CEP19: variants seen among roughly 807,000 people sequenced by gnomAD.
The protein encoded by CEP19 is centrosomal protein of 19 kDa.
CEP19 carries 14 observed loss-of-function variants against 17.5 expected under a neutral mutation model. The ratio of observed to expected loss-of-function variants is 0.80; its 90% CI spans 0.53 to 1.25. CEP19 has a LOEUF of 1.25. Ranked by LOEUF, CEP19 falls within the 50% of genes most tolerant of loss-of-function variation. The probability of loss-of-function intolerance (pLI) is 0.00; values close to 1 mark genes in which losing one functional copy is unlikely to be tolerated. For missense variants in CEP19, 193 were observed against 192.0 expected, an observed-to-expected ratio of 1.01 and a Z score of -0.03; for synonymous variants, 59 against 65.5, an observed-to-expected ratio of 0.90 and a Z score of 0.48.
chr3:196,710,918 C>T (rs1326765004), intron 1 of CEP19, among the ~76,000 whole-genome samples: 1 of 147,458 alleles, frequency 6.8e-6, no homozygotes, highest in Admixed American at 6.8e-5. Context: ...GCAATGAGCT[C>T]ACACCATTTC....
In CEP19 at chr3:196,707,809, T is replaced by C. The variant is rs1419007982; in HGVS notation, c.234A>G (p.Arg78=). ...RQLEKLFSFL[R]GYLSGQSLAE... Reference sequence around the variant, plus strand: ...CCAGACTCTGCCCCGACAAGTAACCTCGTAAAAAACTGAATAGCTTCTCTA... The same window carrying C: ...CCAGACTCTGCCCCGACAAGTAACCCCGTAAAAAACTGAATAGCTTCTCTA... Residue 78 remains arginine, a synonymous_variant, in exon 3 of 3, where the codon CGA becomes CGG. Transcript: ENST00000409690. 9 of 1,614,072 alleles carry C rather than the reference T, an allele frequency of 5.6e-6. No individual in the cohort carries two copies. The highest frequency in any genetic ancestry group is 7.6e-6 in the Non-Finnish European group (9 of 1,180,044).
At chr3:196,709,323 A>G (rs570296222) in intron 1 of CEP19, among the ~76,000 whole-genome samples, 5 of 152,190 alleles carry the variant, frequency 3.3e-5, no homozygotes, top group Non-Finnish European at 7.4e-5. Flanking sequence ...TTTCCCAATT[A>G]TTTTACTAGA....
intron 1 of CEP19, among the ~76,000 whole-genome samples, chr3:196,709,426 T>G (rs1030368567): frequency 6.6e-6 from 1 of 152,164 alleles, no homozygotes; most frequent in Non-Finnish European, 1.5e-5. Flanking sequence ...CACCACAATA[T>G]CTCAGCATAA....
chr3:196,707,761 T>A lies in CEP19; in HGVS notation c.282A>T (p.Gln94His). ...CCTCAGGATCAATGGTTGTTTCCCG[T>A]TGAATTTGTTCCATTGTTTCTGCCA... Reference protein sequence around the residue: ...QSLAETMEQIQRETTIDPEED... With the variant: ...QSLAETMEQIHRETTIDPEED... The change falls in exon 3 of 3, where the codon CAA (glutamine) becomes CAT (histidine). Residue 94 changes from glutamine to histidine, a missense_variant. Transcript: ENST00000409690. 1 of 1,614,212 alleles carries A rather than the reference T, an allele frequency of 6.2e-7. No homozygotes were observed. Among genetic ancestry groups the A allele is most frequent in the African/African-American group, 1.3e-5 (1 of 75,058 alleles).
rs1711822481 is a variant in CEP19, at chr3:196,712,043, G to A, written c.-185C>T. 1 of 712,840 alleles carries A rather than the reference G, an allele frequency of 1.4e-6. No individual in the cohort carries two copies. Among genetic ancestry groups the A allele is most frequent in the African/African-American group, 1.7e-5 (1 of 57,158 alleles). 44.2% of individuals were successfully genotyped at this position (712,840 alleles called of 1,614,324 possible). On this transcript the variant is annotated 5_prime_UTR_variant, in exon 1 of 3. Transcript: ENST00000409690. ...AGCCCCTAAGCCGACTGTGAGACCG[G>A]GCGGAGCCTGGCGCTGCAGGAAGAG...
intron 1 of CEP19, among the ~76,000 whole-genome samples, chr3:196,711,240 T>C (rs542686073): frequency 6.6e-6 from 1 of 152,318 alleles, no homozygotes; most frequent in East Asian, 1.9e-4. Flanking sequence ...CTCCTCTTCA[T>C]AGGGAGCCAG....
At chr3:196,711,327 G>GTTT (rs57340417) in intron 1 of CEP19, among the ~76,000 whole-genome samples, 4 of 148,618 alleles carry the variant, frequency 2.7e-5, no homozygotes. Flanking sequence ...ACCATTTTCA[G>GTTT]TTTTTTTTTT....
At chr3:196,711,645 ACT>A (rs1251389559) in intron 1 of CEP19, among the ~76,000 whole-genome samples, 6 of 151,890 alleles carry the variant, frequency 4.0e-5, no homozygotes, top group East Asian at 1.9e-4. Context: ...TTTGACATAC[ACT>A]CTGTTTCCTC....
Position 196,706,946 on chromosome 3 carries a change from T to G in CEP19, c.*605A>C, listed in dbSNP as rs1363206302. On this transcript the variant is annotated 3_prime_UTR_variant, in exon 3 of 3. Transcript: ENST00000409690. ...CTCTGGCCTTCTTTAGCCTTTATCA[T>G]GCATTTGGCACTAATGTTTGTGTTG... is the stretch of plus-strand genomic sequence containing the variant. 1 of 152,248 alleles carries G rather than the reference T, an allele frequency of 6.6e-6. No individual in the cohort carries two copies. The highest frequency in any genetic ancestry group is 2.4e-5 in the African/African-American group (1 of 41,414). 9.4% of individuals were successfully genotyped at this position (152,248 alleles called of 1,614,324 possible).
chr3:196,708,872 G>T, intron 1 of CEP19, 145 bp from the exon 2 acceptor site: 1 of 536,394 alleles, frequency 1.9e-6, no homozygotes, highest in South Asian at 2.4e-5. Context: ...AATACGGACT[G>T]CTTCATGAAT....
rs1383325360 is a variant in CEP19 at position 196,706,951 on chromosome 3, T to C, written c.*600A>G. ...GCCTTCTTTAGCCTTTATCATGCAT[T>C]TGGCACTAATGTTTGTGTTGCTTAA... On this transcript the variant is annotated 3_prime_UTR_variant, in exon 3 of 3. Coordinates refer to ENST00000409690, the MANE Select transcript of CEP19 (RefSeq NM_032898.5). 17 of 152,280 alleles carry C rather than the reference T, an allele frequency of 1.1e-4. No homozygotes were observed. Among genetic ancestry groups the C allele is most frequent in the Admixed American group, 1.0e-3 (16 of 15,264 alleles). The allele number at this position is 152,280 out of a possible 1,614,324, so 9.4% of individuals were successfully genotyped here. A position where few individuals can be genotyped will look rare whatever the true frequency, so the allele number is the denominator to read the frequency against.
intron 1 of CEP19, among the ~76,000 whole-genome samples, chr3:196,709,884 C>T (rs544690538): frequency 2.2e-4 from 33 of 152,284 alleles, no homozygotes; most frequent in Admixed American, 1.8e-3. Context: ...ATGATATCTT[C>T]GTGAACTCAG....
chr3:196,710,858 A>C (rs1392134599), intron 1 of CEP19, among the ~76,000 whole-genome samples: 3 of 149,366 alleles, frequency 2.0e-5, no homozygotes, highest in Admixed American at 6.6e-5. Context: ...AAAAAAAAAA[A>C]AAAAAAAAAA....
At chr3:196,708,452 G>T in intron 2 of CEP19, 76 bp downstream of exon 2, 2 of 1,334,726 alleles carry the variant, frequency 1.5e-6, no homozygotes, top group Non-Finnish European at 2.1e-6. Flanking sequence ...CACACATCCA[G>T]TCCCTGACAG....
rs140916696 is a variant in CEP19, at chr3:196,711,268, A to G, written c.-71+661T>C. Among the ~76,000 whole-genome samples the G allele has an allele frequency of 4.9e-4, 74 of 152,246 alleles. 2 individuals are homozygous for G. The South Asian group carries it at 0.01, about 21-fold the overall frequency. Reference sequence around the variant, plus strand: ...GGAGCCAGACTGAATTTTAAAAGGCATATCTTCCAAAATTTCTCTCTCCAT... The same window carrying G: ...GGAGCCAGACTGAATTTTAAAAGGCGTATCTTCCAAAATTTCTCTCTCCAT... On this transcript the variant is annotated intron_variant, in intron 1 of 2. Transcript: ENST00000409690.
chr3:196,709,560 A>T (rs1711669581), intron 1 of CEP19, among the ~76,000 whole-genome samples: 2 of 152,220 alleles, frequency 1.3e-5, no homozygotes, highest in Admixed American at 1.3e-4. Flanking sequence ...CTGCTGCAGA[A>T]TCAGCTTCTT....
Position 196,707,477 on chromosome 3 carries a change from A to G in CEP19, c.*74T>C, listed in dbSNP as rs1711563452. On this transcript the variant is annotated 3_prime_UTR_variant, in exon 3 of 3. Transcript: ENST00000409690. Reference sequence around the variant, plus strand: ...ACCCAACATATTTAGTATTCTTTACAGCTTCTTCCAGAACCAGTCTGGTAA... The same window carrying G: ...ACCCAACATATTTAGTATTCTTTACGGCTTCTTCCAGAACCAGTCTGGTAA... 6.8e-7 allele frequency: 1 copy of G among 1,467,742 alleles called. No individual in the cohort carries two copies. The highest frequency in any genetic ancestry group is 1.4e-5 in the African/African-American group (1 of 70,984). 90.9% of individuals were successfully genotyped at this position (1,467,742 alleles called of 1,614,324 possible). A position where few individuals can be genotyped will look rare whatever the true frequency, so the allele number is the denominator to read the frequency against.
chr3:196,710,064 A>C (rs1711688160), intron 1 of CEP19, among the ~76,000 whole-genome samples: 1 of 152,222 alleles, frequency 6.6e-6, no homozygotes, highest in Admixed American at 6.5e-5. Flanking sequence ...AGTATGTTTC[A>C]TACATACCTT....
In CEP19 at chr3:196,707,608, T is replaced by G; in HGVS notation, c.435A>C (p.Pro145=). 6.2e-7 allele frequency: 1 copy of G among 1,613,814 alleles called. No homozygotes were observed. Among genetic ancestry groups the G allele is most frequent in the Non-Finnish European group, 8.5e-7 (1 of 1,179,970 alleles). The change falls in exon 3 of 3, where the codon CCA becomes CCC. Residue 145 remains proline, a synonymous_variant. Transcript: ENST00000409690. ...CACAGGACTGCAGTTGATCGTCCTGTGGAAATTCAACCTCAATGTCATAAA... is the reference window on the plus strand; with the variant it reads ...CACAGGACTGCAGTTGATCGTCCTGGGGAAATTCAACCTCAATGTCATAAA... The part of the protein sequence containing the change: ...NFVYDIEVEF[P]QDDQLQSCGW...
Sources: gnomAD v4.1 joint callset for allele counts (sites outside exome capture counted in the v4.1 genomes callset) on GRCh38, gnomAD v4.1.1 for gene constraint, MANE v1.5 for transcripts, NCBI Gene and HGNC (gene_info 2026-07-23, HGNC 2026-07-21) for gene names.